ZFHX4: variants seen among roughly 807,000 people sequenced by gnomAD.
ZFHX4 encodes zinc finger homeobox 4, also known as zinc finger homeobox protein 4.
ZFHX4 carries 56 observed loss-of-function variants against 267.6 expected under a neutral mutation model. That is an observed-to-expected ratio of 0.21 (90% CI 0.17 to 0.26). The LOEUF is 0.26. Ranked by LOEUF, ZFHX4 falls within the 10% of genes least tolerant of loss-of-function variation. ZFHX4 has a pLI of 1.00. For missense variants in ZFHX4, 4,332 were observed against 4,420.0 expected (o/e 0.98, Z 0.56); for synonymous variants, 1,778 against 1,665.6 (o/e 1.07, Z -1.64).
At position 76,705,607 on chromosome 8, in the gene ZFHX4, A is replaced by G. The variant is rs756733336; in HGVS notation, c.1519A>G (p.Ile507Val). ...AGATTTCCCTCTCTTAAACCAAAGC[A>G]TTTCTCCTTTATCATCCAGTGTGCT... ...NKDFPLLNQS[I>V]SPLSSSVLKF... Residue 507 changes from isoleucine (I) to valine (V), a missense_variant, in exon 2 of 11, where the codon ATT becomes GTT. Coordinates refer to ENST00000651372, the MANE Select transcript of ZFHX4 (RefSeq NM_024721.5). The G allele has an allele frequency of 3.7e-6, 6 of 1,613,678 alleles. No individual in the cohort carries two copies. Among genetic ancestry groups the G allele is most frequent in the Non-Finnish European group, 5.1e-6 (6 of 1,179,832 alleles).
At chr8:76,699,775 CT>C (rs59083020) in intron 1 of ZFHX4, among the ~76,000 whole-genome samples, 31,242 of 141,310 alleles carry the variant, frequency 0.22, 4,287 homozygotes, top group African/African-American at 0.4. Context: ...AGCCAAAATT[CT>C]TTTTTTTTTC....
Position 76,854,390 on chromosome 8 carries a change from T to C in ZFHX4, c.7469T>C (p.Leu2490Ser), listed in dbSNP as rs1330519357. The C allele has an allele frequency of 6.2e-7, 1 of 1,613,886 alleles. No homozygotes were observed. Residue 2490 changes from leucine to serine, a missense_variant, in exon 10 of 11, where the codon TTA (leucine) becomes TCA (serine). Leu to Ser is a moderately radical substitution (Grantham distance 145). Coordinates refer to ENST00000651372, the MANE Select transcript of ZFHX4 (RefSeq NM_024721.5). ...CTCCAGAACAGTCTACCTCCACAGT[T>C]ACTACAATACCAATGTGATCAGTGT... is the stretch of plus-strand genomic sequence containing the variant. ...TSLQNSLPPQ[L>S]LQYQCDQCTV...
chr8:76,836,720 G>A (rs1456782603), intron 5 of ZFHX4, among the ~76,000 whole-genome samples: 2 of 151,846 alleles, frequency 1.3e-5, no homozygotes, highest in South Asian at 2.1e-4. Context: ...GCTATGACAA[G>A]GTTCAAGCAG....
intron 4 of ZFHX4, among the ~76,000 whole-genome samples, chr8:76,809,187 T>G (rs1399923117): frequency 1.3e-5 from 2 of 152,190 alleles, no homozygotes; most frequent in African/African-American, 4.8e-5. Flanking sequence ...TTTAGTACTT[T>G]TATGTCATAA....
At chr8:76,773,324 C>A (rs1810317184) in intron 3 of ZFHX4, among the ~76,000 whole-genome samples, 1 of 152,004 alleles carries the variant, frequency 6.6e-6, no homozygotes, top group South Asian at 2.1e-4. Context: ...CAGAATTGAT[C>A]CATAGAGTTA....
At position 76,855,011 on chromosome 8, in the gene ZFHX4, G is replaced by T. The variant is rs769171399; in HGVS notation, c.8090G>T (p.Arg2697Leu). Residue 2697 changes from arginine (R) to leucine (L), a missense_variant, in exon 10 of 11, where the codon CGG becomes CTG. Coordinates refer to ENST00000651372, the MANE Select transcript of ZFHX4 (RefSeq NM_024721.5). ...GCCTTAGAAAGCCACATTCGCTCTC[G>T]GCACTGGAATGAAGGAAAGCAGGCA... The part of the protein sequence containing the change: ...KSALESHIRS[R>L]HWNEGKQAGY... The T allele has an allele frequency of 2.5e-6, 4 of 1,613,802 alleles. No homozygotes were observed. The highest frequency in any genetic ancestry group is 3.4e-6 in the Non-Finnish European group (4 of 1,179,880).
At position 76,778,265 on chromosome 8, in the gene ZFHX4, G is replaced by A. The variant is rs774068930; in HGVS notation, c.3151G>A (p.Val1051Met). 21 of 1,613,574 alleles carry A rather than the reference G, an allele frequency of 1.3e-5. No homozygotes were observed. The highest frequency in any genetic ancestry group is 6.7e-5 in the East Asian group (3 of 44,872). Residue 1051 changes from valine (V) to methionine (M), a missense_variant, in exon 4 of 11, where the codon GTG (valine) becomes ATG (methionine). Transcript: ENST00000651372. ...NPESCYYYCA[V>M]CDYTTKVKLN... ...CGAATCCTGCTATTACTACTGTGCC[G>A]TGTGTGATTACACCACCAAGGTCAA...
At chr8:76,848,958 T>A in intron 6 of ZFHX4, 37 bp from the exon 7 acceptor site, 1 of 1,460,056 alleles carries the variant, frequency 6.8e-7, no homozygotes. Flanking sequence ...GGAATTGTGT[T>A]TTTAAATTGA....
intron 5 of ZFHX4, among the ~76,000 whole-genome samples, chr8:76,839,648 T>C (rs1422845605): frequency 6.6e-6 from 1 of 152,240 alleles, no homozygotes; most frequent in Non-Finnish European, 1.5e-5. Flanking sequence ...TATTATTGCA[T>C]GTAATATATT....
chr8:76,775,526 G>A (rs1169154809), intron 3 of ZFHX4, among the ~76,000 whole-genome samples: 1 of 152,170 alleles, frequency 6.6e-6, no homozygotes, highest in East Asian at 1.9e-4. Context: ...GCCCCTGATG[G>A]GGTGAACTCT....
intron 3 of ZFHX4, among the ~76,000 whole-genome samples, chr8:76,768,739 A>C (rs1810175817): frequency 6.6e-6 from 1 of 152,154 alleles, no homozygotes; most frequent in Non-Finnish European, 1.5e-5. Flanking sequence ...CATGCAGTAT[A>C]GGTTTGGAGA....
At chr8:76,751,718 A>C (rs1298392198) in intron 3 of ZFHX4, among the ~76,000 whole-genome samples, 1 of 152,156 alleles carries the variant, frequency 6.6e-6, no homozygotes, top group African/African-American at 2.4e-5. Flanking sequence ...TTTATTTGTA[A>C]TATGATCTCA....
At chr8:76,827,944 T>G (rs995039282) in intron 4 of ZFHX4, among the ~76,000 whole-genome samples, 5 of 152,194 alleles carry the variant, frequency 3.3e-5, no homozygotes, top group African/African-American at 1.2e-4. Flanking sequence ...GAAGAAATAA[T>G]TTAAGAGAAA....
chr8:76,761,373 C>T (rs964796635), intron 3 of ZFHX4, among the ~76,000 whole-genome samples: 10 of 152,190 alleles, frequency 6.6e-5, no homozygotes, highest in African/African-American at 2.4e-4. Context: ...GTTTATTTAT[C>T]CTTGTAAATT....
rs1319397305 is a variant in ZFHX4 at position 76,865,103 on chromosome 8, G to A, written c.*538G>A. ...TTTCTAGGTGTGTTTAGTGTACAAA[G>A]AGACTTTATAACCCTTACTGGACAA... is the stretch of plus-strand genomic sequence containing the variant. On this transcript the variant is annotated 3_prime_UTR_variant, in exon 11 of 11. Transcript: ENST00000651372. 1 of 153,110 alleles carries A rather than the reference G, an allele frequency of 6.5e-6. No individual in the cohort carries two copies. The allele number at this position is 153,110 out of a possible 1,614,324, so 9.5% of individuals were successfully genotyped here. A position where few individuals can be genotyped will look rare whatever the true frequency, so the allele number is the denominator to read the frequency against.
chr8:76,759,436 G>A (rs1287128987), intron 3 of ZFHX4, among the ~76,000 whole-genome samples: 3 of 152,200 alleles, frequency 2.0e-5, no homozygotes, highest in African/African-American at 7.2e-5. Flanking sequence ...CAATAGCATA[G>A]TGATCTATGT....
At chr8:76,846,329 C>T (rs368539208) in intron 6 of ZFHX4, among the ~76,000 whole-genome samples, 14 of 152,098 alleles carry the variant, frequency 9.2e-5, no homozygotes, top group African/African-American at 2.2e-4. Flanking sequence ...GCATTTTTGA[C>T]GTACCTAGCT....
intron 1 of ZFHX4, among the ~76,000 whole-genome samples, chr8:76,699,828 G>A (rs953745221): frequency 1.3e-5 from 2 of 149,244 alleles, no homozygotes; most frequent in African/African-American, 4.9e-5. Flanking sequence ...GCCTCAATGT[G>A]GCTTTAGCAA....
At chr8:76,741,002 A>T (rs915363513) in intron 3 of ZFHX4, among the ~76,000 whole-genome samples, 23 of 152,198 alleles carry the variant, frequency 1.5e-4, no homozygotes, top group African/African-American at 5.1e-4. Context: ...ATTTCCAAGT[A>T]AAACCAGGCA....
Sources: allele counts gnomAD v4.1 joint callset (sites outside exome capture counted in the v4.1 genomes callset), GRCh38; gene constraint gnomAD v4.1.1; transcripts MANE v1.5; gene names NCBI Gene and HGNC (gene_info 2026-07-23, HGNC 2026-07-21).